SNAPC5: variants seen among roughly 807,000 people sequenced by gnomAD.
SNAPC5 encodes snRNA-activating protein complex subunit 5.
SNAPC5 carries 12 observed loss-of-function variants against 9.1 expected under a neutral mutation model. The observed-to-expected ratio is 1.32, with a 90% confidence interval of 0.85 to 2.15. SNAPC5 has a LOEUF of 2.15. Ranked by LOEUF, SNAPC5 falls within the 30% of genes most tolerant of loss-of-function variation. SNAPC5 has a pLI of 0.00. For synonymous variants in SNAPC5, 52 were observed against 47.3 expected (o/e 1.10, Z -0.41); for missense variants, 132 against 114.4 (o/e 1.15, Z -0.70).
intron 1 of SNAPC5, among the ~76,000 whole-genome samples, chr15:66,496,453 G>A (rs12909967): frequency 0.057 from 8,541 of 149,044 alleles, 340 homozygotes; most frequent in Middle Eastern, 0.11. Flanking sequence ...CAACAAGAGC[G>A]AAACTCTGTC....
At position 66,494,558 on chromosome 15, in the gene SNAPC5, T is replaced by C. The variant is rs1399013325; in HGVS notation, c.181-6A>G. Reference sequence around the variant, plus strand: ...TTGTCTACATGCACCAACATCTGTATTGGCCAAGGGCATCACAGATTAGCA... The same window carrying C: ...TTGTCTACATGCACCAACATCTGTACTGGCCAAGGGCATCACAGATTAGCA... On this transcript the variant is annotated splice_region_variant and splice_polypyrimidine_tract_variant and intron_variant, in intron 2 of 2. Transcript: ENST00000316634. 5 of 1,598,512 alleles carry C rather than the reference T, an allele frequency of 3.1e-6. No individual in the cohort carries two copies. The highest frequency in any genetic ancestry group is 3.3e-5 in the Admixed American group (2 of 59,944).
downstream of SNAPC5, chr15:66,490,499 C>T: frequency 1.3e-6 from 2 of 1,599,446 alleles, no homozygotes; most frequent in East Asian, 2.2e-5. Flanking sequence ...TCCTTACATG[C>T]AGGTTCATGC....
intron 2 of SNAPC5, chr15:66,495,051 ACT>A (rs1893380146): frequency 2.2e-6 from 1 of 449,344 alleles, no homozygotes; most frequent in Non-Finnish European, 4.1e-6. Context: ...AAAAATCTCC[ACT>A]CTCCCCCGGG....
chr15:66,491,399 C>A, downstream of SNAPC5: 1 of 231,082 alleles, frequency 4.3e-6, no homozygotes, highest in Non-Finnish European at 8.6e-6. Flanking sequence ...TCCCCATATC[C>A]AAGTACCAAT....
In SNAPC5 at chr15:66,494,253, A is replaced by G. The variant is rs755063309; in HGVS notation, c.*183T>C. ...CAGCATCTTTGATTTTCTGTATGTC[A>G]TAACATTCTGAAGCTTGAGTTACCG... On this transcript the variant is annotated 3_prime_UTR_variant, in exon 3 of 3. Transcript: ENST00000316634. 4.6e-5 allele frequency: 29 copies of G among 632,038 alleles called. No individual in the cohort carries two copies. The highest frequency in any genetic ancestry group is 9.8e-5 in the Admixed American group (4 of 41,020). 39.2% of individuals were successfully genotyped at this position (632,038 alleles called of 1,614,324 possible).
downstream of SNAPC5, chr15:66,490,452 GTTTTT>G (rs756730939): frequency 2.2e-6 from 3 of 1,384,602 alleles, no homozygotes; most frequent in Non-Finnish European, 3.1e-6. Context: ...GGTGGGTTTT[GTTTTT>G]TTGTTTCTTT....
chr15:66,495,303 C>T (rs1893387256), intron 2 of SNAPC5, 27 bp downstream of exon 2: 1 of 1,324,252 alleles, frequency 7.6e-7, no homozygotes, highest in Non-Finnish European at 1.1e-6. Context: ...TGCATTCTCT[C>T]CTAGGCCTGC....
chr15:66,494,037 C>T lies in SNAPC5; in HGVS notation c.*399G>A, dbSNP rs1359646171. The T allele has an allele frequency of 1.6e-5, 3 of 192,886 alleles. No individual in the cohort carries two copies. Among genetic ancestry groups the T allele is most frequent in the South Asian group, 9.4e-5 (1 of 10,672 alleles). 11.9% of individuals were successfully genotyped at this position (192,886 alleles called of 1,614,324 possible). A position where few individuals can be genotyped will look rare whatever the true frequency, so the allele number is the denominator to read the frequency against. The stretch of plus-strand genomic sequence containing the variant: ...CTGCTCACAAGGGTTCAGCGGCATG[C>T]AAACAGTCTTTAATTGGTTTTCTTC... On this transcript the variant is annotated 3_prime_UTR_variant, in exon 3 of 3. Coordinates refer to ENST00000316634, the MANE Select transcript of SNAPC5 (RefSeq NM_001329615.2).
At chr15:66,495,087 T>C in intron 2 of SNAPC5, 2 of 522,416 alleles carry the variant, frequency 3.8e-6, no homozygotes, top group East Asian at 3.3e-5. Flanking sequence ...CTAGACAGAA[T>C]GGATGACGAG....
chr15:66,491,840 C>CTGA, downstream of SNAPC5: 1 of 411,256 alleles, frequency 2.4e-6, no homozygotes, highest in Non-Finnish European at 4.8e-6. Flanking sequence ...GGAAAAGCAG[C>CTGA]TGATGGGGGA....
chr15:66,496,049 C>G (rs1893422417), intron 1 of SNAPC5, among the ~76,000 whole-genome samples: 1 of 151,938 alleles, frequency 6.6e-6, no homozygotes, highest in South Asian at 2.1e-4. Flanking sequence ...TGTGAAACCC[C>G]GTCTCTACTA....
At position 66,497,698 on chromosome 15, in the gene SNAPC5, C is replaced by A. The variant is rs151153879; in HGVS notation, c.34G>T (p.Glu12Ter). 6.2e-7 allele frequency: 1 copy of A among 1,613,728 alleles called. No homozygotes were observed. The highest frequency in any genetic ancestry group is 8.5e-7 in the Non-Finnish European group (1 of 1,179,990). The change falls in exon 1 of 3, where the codon GAG becomes TAG. Residue 12 changes from glutamate to a stop codon, truncating the protein, a stop_gained. Transcript: ENST00000316634. LOFTEE classifies it high-confidence loss of function. ...GCCTTCAACCGCAGCAGCGTCTCCT[C>A]CTCCTTGCGCAGTTCCTGAAGCCGG... ...LSRLQELRKE[E>*]ETLLRLKAAL...
Position 66,494,294 on chromosome 15 carries a change from C to T in SNAPC5, c.*142G>A. The stretch of plus-strand genomic sequence containing the variant: ...TGAGTTACCGATGGAGCCATTTTTG[C>T]AACTACACATCCTCCTTATAGTTCT... On this transcript the variant is annotated 3_prime_UTR_variant, in exon 3 of 3. Coordinates refer to ENST00000316634, the MANE Select transcript of SNAPC5 (RefSeq NM_001329615.2). 1.5e-6 allele frequency: 1 copy of T among 653,626 alleles called. No homozygotes were observed. Among genetic ancestry groups the T allele is most frequent in the Non-Finnish European group, 2.7e-6 (1 of 367,488 alleles). The allele number at this position is 653,626 out of a possible 1,614,324, so 40.5% of individuals were successfully genotyped here.
downstream of SNAPC5, chr15:66,490,609 C>A (rs781328871): frequency 6.2e-7 from 1 of 1,613,562 alleles, no homozygotes; most frequent in African/African-American, 1.3e-5. Flanking sequence ...ATGCTGCTGG[C>A]GTCTAAGTGT....
downstream of SNAPC5, chr15:66,489,959 C>T (rs553924481): frequency 1.0e-3 from 656 of 656,550 alleles, 6 homozygotes; most frequent in Middle Eastern, 9.3e-3. Context: ...GTGACCCCCG[C>T]AGCCTGAGTA....
At position 66,494,534 on chromosome 15, in the gene SNAPC5, T is replaced by C. The variant is rs1018328657; in HGVS notation, c.199A>G (p.Asn67Asp). Residue 67 changes from asparagine (N) to aspartate (D), a missense_variant, in exon 3 of 3, where the codon AAT (asparagine) becomes GAT (aspartate). Asn to Asp is a conservative substitution (Grantham distance 23). Transcript: ENST00000316634. ...QSHDMLVHVD[N>D]EASINQTTLE... ...GTTGTTTGGTTGATTGATGCTTCAT[T>C]GTCTACATGCACCAACATCTGTATT... is the stretch of plus-strand genomic sequence containing the variant. 3.1e-6 allele frequency: 5 copies of C among 1,613,736 alleles called. No homozygotes were observed. Among genetic ancestry groups the C allele is most frequent in the Non-Finnish European group, 4.2e-6 (5 of 1,179,688 alleles).
At position 66,493,868 on chromosome 15, in the gene SNAPC5, C is replaced by T. The variant is rs943885806; in HGVS notation, c.*568G>A. 6.6e-6 allele frequency: 1 copy of T among 152,190 alleles called. No individual in the cohort carries two copies. The highest frequency in any genetic ancestry group is 2.4e-5 in the African/African-American group (1 of 41,412). The allele number at this position is 152,190 out of a possible 1,614,324, so 9.4% of individuals were successfully genotyped here. On this transcript the variant is annotated 3_prime_UTR_variant, in exon 3 of 3. Transcript: ENST00000316634. ...AAAACATTTTACCAGTGAGTGATGT[C>T]TCAAGTGAGAGGTGGTAACAGATAC...
chr15:66,491,970 AGGAGGGCCTTGCT>A (rs1893272259), downstream of SNAPC5: 1 of 456,554 alleles, frequency 2.2e-6, no homozygotes. Context: ...TCATGCTCAT[AGGAGGGCCTTGCT>A]GGTGGCCAGC....
chr15:66,494,950 C>A (rs1893377255), intron 2 of SNAPC5: 1 of 332,288 alleles, frequency 3.0e-6, no homozygotes, highest in Admixed American at 4.3e-5. Flanking sequence ...TGGAGCTCAT[C>A]TTTTAGCACT....
Sources: gnomAD v4.1 joint callset for allele counts (sites outside exome capture counted in the v4.1 genomes callset) on GRCh38, gnomAD v4.1.1 for gene constraint, MANE v1.5 for transcripts, NCBI Gene and HGNC (gene_info 2026-07-23, HGNC 2026-07-21) for gene names.